The following ADAM22 variants were observed in gnomAD, a reference collection of about 807,000 sequenced individuals.
ADAM22 encodes disintegrin and metalloproteinase domain-containing protein 22.
ADAM22 carries 65 observed loss-of-function variants against 144.6 expected under a neutral mutation model. The observed-to-expected ratio is 0.45, with a 90% CI of 0.37 to 0.55. ADAM22 has a LOEUF of 0.55. Among genes scored for constraint, ADAM22 ranks in the 20% least tolerant of loss-of-function variants. The pLI, the probability that ADAM22 is intolerant of heterozygous loss-of-function variation, is 0.00. For synonymous variants in ADAM22, 391 were observed against 412.6 expected, an observed-to-expected ratio of 0.95 and a Z score of 0.63; for missense variants, 974 against 1,184.9, an observed-to-expected ratio of 0.82 and a Z score of 2.61.
At chr7:88,012,693 G>A (rs946196288) in intron 3 of ADAM22, among the ~76,000 whole-genome samples, 4 of 152,162 alleles carry the variant, frequency 2.6e-5, no homozygotes, top group African/African-American at 9.7e-5. Flanking sequence ...GGTAAGGTAT[G>A]GAGGAAGAGC....
intron 2 of ADAM22, among the ~76,000 whole-genome samples, chr7:87,953,213 A>G (rs1584547828): frequency 6.6e-6 from 1 of 150,752 alleles, no homozygotes; most frequent in East Asian, 1.9e-4. Context: ...TTGCTTTTCT[A>G]GTTCTTTTAA....
In ADAM22 at chr7:88,012,737, C is replaced by T. The variant is rs138238249; in HGVS notation, c.323+34325C>T. 1.5e-3 allele frequency among the ~76,000 whole-genome samples: 225 copies of T among 152,242 alleles called. 3 individuals are homozygous for T. The highest frequency in any genetic ancestry group is 5.1e-3 in the African/African-American group (211 of 41,550). ...TATAATTTAATGATTAAATCTCAGTCTTTTAAGTAGGCTCATCCCTCTGCT... is the reference window on the plus strand; with the variant it reads ...TATAATTTAATGATTAAATCTCAGTTTTTTAAGTAGGCTCATCCCTCTGCT... On this transcript the variant is annotated intron_variant, in intron 3 of 31. Coordinates refer to ENST00000413139, the MANE Select transcript of ADAM22 (RefSeq NM_001324418.2).
chr7:88,144,305 A>T (rs1354374999), intron 15 of ADAM22, among the ~76,000 whole-genome samples: 1 of 152,180 alleles, frequency 6.6e-6, no homozygotes, highest in Non-Finnish European at 1.5e-5. Context: ...TATCTGGCAT[A>T]TAACAATTAT....
intron 2 of ADAM22, among the ~76,000 whole-genome samples, chr7:87,941,049 G>GT: frequency 6.6e-6 from 1 of 152,148 alleles, no homozygotes; most frequent in African/African-American, 2.4e-5. Flanking sequence ...ATTTTGTTGT[G>GT]TTTTCACCCC....
At chr7:88,047,952 A>C (rs991832884) in intron 3 of ADAM22, among the ~76,000 whole-genome samples, 9 of 152,118 alleles carry the variant, frequency 5.9e-5, no homozygotes, top group African/African-American at 2.2e-4. Context: ...GAAAATATAA[A>C]ATTAGCAATA....
intron 30 of ADAM22, among the ~76,000 whole-genome samples, chr7:88,188,909 G>A (rs1303106549): frequency 6.6e-6 from 1 of 152,154 alleles, no homozygotes; most frequent in African/African-American, 2.4e-5. Flanking sequence ...GCTCAAGCTG[G>A]TCTCAAACTC....
At chr7:87,990,610 G>A (rs1245695208) in intron 3 of ADAM22, among the ~76,000 whole-genome samples, 1 of 151,904 alleles carries the variant, frequency 6.6e-6, no homozygotes, top group East Asian at 1.9e-4. Context: ...TTTCATTATA[G>A]TTTTATCACT....
At chr7:88,142,143 T>C (rs1163318207) in intron 14 of ADAM22, among the ~76,000 whole-genome samples, 2 of 152,230 alleles carry the variant, frequency 1.3e-5, no homozygotes, top group African/African-American at 4.8e-5. Context: ...CCATTACTCC[T>C]AAATACCTTA....
intron 30 of ADAM22, among the ~76,000 whole-genome samples, chr7:88,188,222 A>AT (rs34958661): frequency 1.3e-5 from 2 of 152,042 alleles, no homozygotes; most frequent in African/African-American, 2.4e-5. Flanking sequence ...TGGATTTAGC[A>AT]TTTTTGCAGC....
intron 30 of ADAM22, among the ~76,000 whole-genome samples, chr7:88,189,054 T>C (rs889859558): frequency 2.0e-5 from 3 of 152,170 alleles, no homozygotes; most frequent in Non-Finnish European, 2.9e-5. Flanking sequence ...GCATTTAAAA[T>C]ATAGTGGCCA....
chr7:87,941,428 A>G (rs963047868), intron 2 of ADAM22, among the ~76,000 whole-genome samples: 3 of 152,198 alleles, frequency 2.0e-5, no homozygotes, highest in African/African-American at 7.2e-5. Context: ...AATTGTCTGC[A>G]GTACTGCTTC....
At chr7:88,185,622 C>A (rs1848121681) in intron 29 of ADAM22, among the ~76,000 whole-genome samples, 1 of 151,994 alleles carries the variant, frequency 6.6e-6, no homozygotes, top group Middle Eastern at 3.2e-3. Context: ...TTTGTTAAAT[C>A]TACATTATTT....
chr7:88,077,002 C>T (rs1297501015), intron 4 of ADAM22, among the ~76,000 whole-genome samples: 1 of 151,988 alleles, frequency 6.6e-6, no homozygotes, highest in Admixed American at 6.5e-5. Context: ...TAAATGTTTT[C>T]ATTTTGTTAT....
intron 25 of ADAM22, among the ~76,000 whole-genome samples, chr7:88,168,924 G>A (rs1457687206): frequency 1.3e-5 from 2 of 152,004 alleles, no homozygotes; most frequent in African/African-American, 4.8e-5. Context: ...ATCAAACTTA[G>A]GTAACTCAAA....
rs368495039 is a variant in ADAM22, at chr7:88,162,164, C to A, written c.1908-848C>A. On this transcript the variant is annotated intron_variant, in intron 22 of 31. Coordinates refer to ENST00000413139, the MANE Select transcript of ADAM22 (RefSeq NM_001324418.2). ...AATACTATGCAGCCATAAAAAAGAA[C>A]AAGATCATGTCCTTCACAGGGACAT... is the stretch of plus-strand genomic sequence containing the variant. Among the ~76,000 whole-genome samples, 12 of 145,862 alleles carry A rather than the reference C, an allele frequency of 8.2e-5. No homozygotes were observed. In the East Asian group the frequency reaches 1.7e-3, roughly 21 times the overall value.
chr7:87,935,223 T>C, intron 2 of ADAM22, 37 bp downstream of exon 2: 8 of 1,529,354 alleles, frequency 5.2e-6, no homozygotes, highest in Non-Finnish European at 7.0e-6. Flanking sequence ...CCTCCGCGCC[T>C]CCCGGCCCAC....
intron 7 of ADAM22, among the ~76,000 whole-genome samples, chr7:88,122,636 T>C (rs1189853404): frequency 6.6e-6 from 1 of 152,192 alleles, no homozygotes; most frequent in African/African-American, 2.4e-5. Context: ...TTGGGTGTAA[T>C]TTCTCTTAGT....
chr7:88,035,648 C>A (rs966730239), intron 3 of ADAM22, among the ~76,000 whole-genome samples: 4 of 152,182 alleles, frequency 2.6e-5, no homozygotes, highest in Non-Finnish European at 5.9e-5. Context: ...TACAGTATTA[C>A]AACAATTTAC....
intron 3 of ADAM22, among the ~76,000 whole-genome samples, chr7:88,074,502 C>G (rs779112475): frequency 6.6e-6 from 1 of 152,054 alleles, no homozygotes; most frequent in Non-Finnish European, 1.5e-5. Context: ...TTATGCTAGA[C>G]CTGGAATTTC....
Sources: gnomAD v4.1 joint callset for allele counts (sites outside exome capture counted in the v4.1 genomes callset) on GRCh38, gnomAD v4.1.1 for gene constraint, MANE v1.5 for transcripts, NCBI Gene and HGNC (gene_info 2026-07-23, HGNC 2026-07-21) for gene names.